HS3ST5: variants seen among roughly 807,000 people sequenced by gnomAD.
HS3ST5 encodes the protein heparan sulfate-glucosamine 3-sulfotransferase 5, also known as heparan sulfate glucosamine 3-O-sulfotransferase 5.
HS3ST5 carries 10 observed loss-of-function variants against 25.4 expected under a neutral mutation model. The ratio of observed to expected loss-of-function variants is 0.39; its 90% CI spans 0.24 to 0.67. The LOEUF is 0.67. Ranked by LOEUF, HS3ST5 falls within the 30% of genes least tolerant of loss-of-function variation. The pLI, the probability that HS3ST5 is intolerant of heterozygous loss-of-function variation, is 0.44. For synonymous variants in HS3ST5, 170 were observed against 162.4 expected, an observed-to-expected ratio of 1.05 and a Z score of -0.36; for missense variants, 324 against 420.7, an observed-to-expected ratio of 0.77 and a Z score of 2.01.
At chr6:114,216,695 A>G (rs1781781124) in intron 2 of HS3ST5, among the ~76,000 whole-genome samples, 7 of 151,116 alleles carry the variant, frequency 4.6e-5, no homozygotes, top group Admixed American at 4.6e-4. Flanking sequence ...TTCAGGAAAA[A>G]AACCCAGAGA....
At chr6:114,166,096 C>T (rs992363450) in intron 3 of HS3ST5, among the ~76,000 whole-genome samples, 1 of 152,070 alleles carries the variant, frequency 6.6e-6, no homozygotes, top group African/African-American at 2.4e-5. Flanking sequence ...AACTGCTCAT[C>T]CTTCTAATCC....
chr6:114,153,139 C>T (rs1392594070), intron 3 of HS3ST5, among the ~76,000 whole-genome samples: 4 of 152,094 alleles, frequency 2.6e-5, no homozygotes, highest in Non-Finnish European at 5.9e-5. Flanking sequence ...CTGATGCCCA[C>T]GGTACTGTTA....
Position 114,296,455 on chromosome 6 carries a change from C to A in HS3ST5, c.-339+45740G>T, listed in dbSNP as rs144434387. 6.9e-4 allele frequency among the ~76,000 whole-genome samples: 105 copies of A among 152,254 alleles called. 1 individual carries two copies. In the East Asian group the frequency reaches 0.018, roughly 26 times the overall value. On this transcript the variant is annotated intron_variant, in intron 1 of 4. Coordinates refer to ENST00000312719, the MANE Select transcript of HS3ST5 (RefSeq NM_153612.4). ...GGTAAGTTCAGAATCAAAATGTATT[C>A]ATCCATCTCCATAACCAACATAGAC...
intron 2 of HS3ST5, among the ~76,000 whole-genome samples, chr6:114,181,306 A>G (rs1443922430): frequency 6.6e-6 from 1 of 152,192 alleles, no homozygotes; most frequent in Non-Finnish European, 1.5e-5. Flanking sequence ...GTTTTCCTGA[A>G]TCACCCAAAC....
In HS3ST5 at chr6:114,057,536, A is replaced by G. The variant is rs779208046; in HGVS notation, c.762T>C (p.Asp254=). 6.2e-7 allele frequency: 1 copy of G among 1,614,214 alleles called. No individual in the cohort carries two copies. Among genetic ancestry groups the G allele is most frequent in the South Asian group, 1.1e-5 (1 of 91,080 alleles). Residue 254 remains aspartate, a synonymous_variant, in exon 5 of 5, where the codon GAT becomes GAC. Coordinates refer to ENST00000312719, the MANE Select transcript of HS3ST5 (RefSeq NM_153612.4). ...YFPIEQFHVV[D]GDRLITEPLP... ...GAGGTTCCGTGATGAGGCGATCTCC[A>G]TCGACGACATGAAATTGCTCAATTG...
chr6:114,154,617 A>G (rs1231252595), intron 3 of HS3ST5, among the ~76,000 whole-genome samples: 1 of 152,200 alleles, frequency 6.6e-6, no homozygotes, highest in Non-Finnish European at 1.5e-5. Flanking sequence ...AAGTCAGACT[A>G]CTGCACCCCA....
At chr6:114,240,700 G>C (rs1486784508) in intron 1 of HS3ST5, among the ~76,000 whole-genome samples, 1 of 152,138 alleles carries the variant, frequency 6.6e-6, no homozygotes, top group Non-Finnish European at 1.5e-5. Flanking sequence ...AAAGTGTCTA[G>C]TATGAAAACA....
At chr6:114,207,128 T>A (rs1262578987) in intron 2 of HS3ST5, among the ~76,000 whole-genome samples, 5 of 152,208 alleles carry the variant, frequency 3.3e-5, no homozygotes, top group Admixed American at 2.6e-4. Flanking sequence ...GCCAGCCAAG[T>A]AAATCACATT....
intron 3 of HS3ST5, among the ~76,000 whole-genome samples, chr6:114,099,059 G>T (rs981634114): frequency 1.1e-4 from 16 of 152,170 alleles, no homozygotes; most frequent in African/African-American, 3.6e-4. Flanking sequence ...TCAAGAGCTG[G>T]TCTAGAACTC....
At chr6:114,263,200 AT>A (rs1396228409) in intron 1 of HS3ST5, among the ~76,000 whole-genome samples, 10 of 152,150 alleles carry the variant, frequency 6.6e-5, no homozygotes, top group Non-Finnish European at 4.4e-5. Flanking sequence ...AATTATTAAA[AT>A]TAGCATTTTA....
At chr6:114,104,562 A>G (rs1775898821) in intron 3 of HS3ST5, among the ~76,000 whole-genome samples, 1 of 152,120 alleles carries the variant, frequency 6.6e-6, no homozygotes, top group Non-Finnish European at 1.5e-5. Flanking sequence ...GACAGAGCTG[A>G]TTTTATTCTG....
At chr6:114,084,506 G>C (rs7743447) in intron 3 of HS3ST5, 1 of 758,524 alleles carries the variant, frequency 1.3e-6, no homozygotes, top group Non-Finnish European at 2.4e-6. Context: ...CCACGCATGC[G>C]CAGAACTTCC....
At chr6:114,165,968 G>A (rs899620884) in intron 3 of HS3ST5, among the ~76,000 whole-genome samples, 3 of 151,986 alleles carry the variant, frequency 2.0e-5, no homozygotes, top group African/African-American at 7.3e-5. Context: ...ATCCCTTGAG[G>A]ACAGGAGTTC....
At chr6:114,234,117 T>G (rs1226747081) in intron 1 of HS3ST5, among the ~76,000 whole-genome samples, 1 of 152,176 alleles carries the variant, frequency 6.6e-6, no homozygotes, top group Non-Finnish European at 1.5e-5. Context: ...GGGTAGACGA[T>G]GCAAATTTTG....
intron 1 of HS3ST5, among the ~76,000 whole-genome samples, chr6:114,306,090 T>C (rs995931442): frequency 6.6e-6 from 1 of 152,004 alleles, no homozygotes; most frequent in Non-Finnish European, 1.5e-5. Context: ...TGGGAGTCTT[T>C]GCCTGAATGT....
intron 3 of HS3ST5, among the ~76,000 whole-genome samples, chr6:114,120,669 T>A (rs991248976): frequency 3.4e-5 from 5 of 147,784 alleles, no homozygotes; most frequent in Non-Finnish European, 7.5e-5. Flanking sequence ...GTAAGTCACA[T>A]GGAAGATATA....
chr6:114,214,431 T>G (rs2114452407), intron 2 of HS3ST5, among the ~76,000 whole-genome samples: 1 of 152,348 alleles, frequency 6.6e-6, no homozygotes, highest in Middle Eastern at 3.4e-3. Context: ...TTTTTTACTC[T>G]TTCATGACCT....
rs1242867699 is a variant in HS3ST5, at chr6:114,063,887, A to G, written c.-32-1010T>C. On this transcript the variant is annotated intron_variant, in intron 3 of 4. Coordinates refer to ENST00000312719, the MANE Select transcript of HS3ST5 (RefSeq NM_153612.4). ...CCCCTGGCTGTCAATGAATTTAGAC[A>G]GGTTTGGTGATATTGGTCTCACTCT... is the stretch of plus-strand genomic sequence containing the variant. Among the ~76,000 whole-genome samples the G allele has an allele frequency of 2.0e-5, 3 of 152,148 alleles. No homozygotes were observed. In the East Asian group the frequency reaches 5.8e-4, roughly 29 times the overall value.
chr6:114,247,997 C>G (rs1369786784), intron 1 of HS3ST5, among the ~76,000 whole-genome samples: 4 of 151,434 alleles, frequency 2.6e-5, no homozygotes, highest in Non-Finnish European at 5.9e-5. Context: ...GTCAGGAGTT[C>G]GAGACCAGCC....
Sources: allele counts gnomAD v4.1 joint callset (sites outside exome capture counted in the v4.1 genomes callset), GRCh38; gene constraint gnomAD v4.1.1; transcripts MANE v1.5; gene names NCBI Gene and HGNC (gene_info 2026-07-23, HGNC 2026-07-21).